LDLRAD4: variants seen among roughly 807,000 people sequenced by gnomAD.
LDLRAD4 encodes the protein low-density lipoprotein receptor class A domain-containing protein 4.
A neutral mutation model predicts 17.0 loss-of-function variants in LDLRAD4; 5 were observed. The observed-to-expected ratio is 0.29, with a 90% CI of 0.15 to 0.62. LDLRAD4 has a LOEUF of 0.62. Among genes scored for constraint, LDLRAD4 ranks in the 20% least tolerant of loss-of-function variants. The pLI, the probability that LDLRAD4 is intolerant of heterozygous loss-of-function variation, is 0.84. For missense variants in LDLRAD4, 340 were observed against 424.7 expected, an observed-to-expected ratio of 0.80 and a Z score of 1.75; for synonymous variants, 168 against 171.8, an observed-to-expected ratio of 0.98 and a Z score of 0.17.
intron 4 of LDLRAD4, among the ~76,000 whole-genome samples, chr18:13,639,667 G>T (rs1360074443): frequency 6.6e-6 from 1 of 152,168 alleles, no homozygotes; most frequent in Non-Finnish European, 1.5e-5. Context: ...TCGGGTTTTG[G>T]CCTCAAGCTC....
intron 1 of LDLRAD4, among the ~76,000 whole-genome samples, chr18:13,386,942 AGATAGATGGATG>A (rs1205950183): frequency 0.017 from 1,878 of 111,984 alleles, 26 homozygotes; most frequent in African/African-American, 0.073. Flanking sequence ...ATAGATAGAT[AGATAGATGGATG>A]GATGGATAGA....
At chr18:13,497,812 C>T (rs2093502130) in intron 3 of LDLRAD4, among the ~76,000 whole-genome samples, 1 of 152,228 alleles carries the variant, frequency 6.6e-6, no homozygotes, top group African/African-American at 2.4e-5. Flanking sequence ...CCAGCGAAAA[C>T]GACACCAGAG....
rs2090876758 is a variant in LDLRAD4 at position 13,439,368 on chromosome 18, ACT to A, written c.181+985_181+986del. On this transcript the variant is annotated intron_variant, in intron 3 of 5. Coordinates refer to ENST00000359446, the Ensembl canonical transcript of LDLRAD4. The stretch of plus-strand genomic sequence containing the variant: ...TACGTATGTCCCCAATATAAAAATG[ACT>A]GTGCTCTAGCAAATTTTAAGCCTGC... Among the ~76,000 whole-genome samples the A allele has an allele frequency of 2.0e-5, 3 of 152,350 alleles. No individual in the cohort carries two copies. The East Asian group carries it at 5.8e-4, about 29-fold the overall frequency.
chr18:13,567,113 C>T (rs1338791601), intron 3 of LDLRAD4, among the ~76,000 whole-genome samples: 1 of 152,200 alleles, frequency 6.6e-6, no homozygotes, highest in East Asian at 1.9e-4. Context: ...TCATCCTCAT[C>T]GTGGGTTGCT....
At chr18:13,651,014 GCTT>G (rs1346121479) in exon 6 of LDLRAD4, 1 of 152,158 alleles carries the variant, frequency 6.6e-6, no homozygotes, top group African/African-American at 2.4e-5. Context: ...GCCACTAGAC[GCTT>G]CTTATTTTAA....
intron 3 of LDLRAD4, among the ~76,000 whole-genome samples, chr18:13,595,722 C>T (rs1248667335): frequency 1.3e-5 from 2 of 152,158 alleles, no homozygotes; most frequent in Non-Finnish European, 2.9e-5. Flanking sequence ...TCCCCATTTT[C>T]TTTCTGTTAT....
chr18:13,561,139 A>C (rs2094536117), intron 3 of LDLRAD4, among the ~76,000 whole-genome samples: 1 of 52,398 alleles, frequency 1.9e-5, no homozygotes. Context: ...CATCCTGCAG[A>C]TATTCAGGGC....
At chr18:13,419,704 G>T (rs2145832394) in intron 2 of LDLRAD4, 1 of 152,270 alleles carries the variant, frequency 6.6e-6, no homozygotes, top group South Asian at 2.1e-4. Flanking sequence ...CCATGTTATA[G>T]CCTCTCCCTT....
At chr18:13,579,686 A>G (rs934942909) in intron 3 of LDLRAD4, among the ~76,000 whole-genome samples, 1 of 152,208 alleles carries the variant, frequency 6.6e-6, no homozygotes, top group Non-Finnish European at 1.5e-5. Flanking sequence ...CAAAGATTCT[A>G]TGTAAATAGC....
intron 1 of LDLRAD4, among the ~76,000 whole-genome samples, chr18:13,289,879 A>G (rs1435559707): frequency 6.6e-6 from 1 of 152,204 alleles, no homozygotes; most frequent in Non-Finnish European, 1.5e-5. Flanking sequence ...ATCATATCTC[A>G]GCCTTCCTTG....
intron 2 of LDLRAD4, among the ~76,000 whole-genome samples, chr18:13,429,811 GC>G: frequency 6.6e-6 from 1 of 152,356 alleles, no homozygotes; most frequent in East Asian, 1.9e-4. Flanking sequence ...AGGTCGCGAG[GC>G]CCCACAGGGA....
intron 1 of LDLRAD4, among the ~76,000 whole-genome samples, chr18:13,321,861 C>CAAAAAAAAAAAAAGA (rs2081242564): frequency 8.0e-5 from 5 of 62,140 alleles, no homozygotes; most frequent in African/African-American, 3.2e-4. Flanking sequence ...GACTCCGTCT[C>CAAAAAAAAAAAAAGA]AAAAAAAAAA....
chr18:13,620,247 G>A (rs1285506070), intron 3 of LDLRAD4, among the ~76,000 whole-genome samples: 3 of 152,240 alleles, frequency 2.0e-5, no homozygotes, highest in African/African-American at 7.2e-5. Context: ...CATGTGTGCT[G>A]TGAGCCCAGG....
At chr18:13,640,335 G>GATA (rs1344665836) in intron 4 of LDLRAD4, among the ~76,000 whole-genome samples, 1 of 150,210 alleles carries the variant, frequency 6.7e-6, no homozygotes, top group Non-Finnish European at 1.5e-5. Flanking sequence ...GTATTAGGAT[G>GATA]ATGGGACTGT....
At chr18:13,582,917 A>G (rs181275282) in intron 3 of LDLRAD4, among the ~76,000 whole-genome samples, 15 of 152,118 alleles carry the variant, frequency 9.9e-5, no homozygotes, top group East Asian at 7.7e-4. Context: ...GGGTCTTGCT[A>G]TGTTGCCCAG....
At chr18:13,385,093 T>C (rs1160218433) in intron 1 of LDLRAD4, among the ~76,000 whole-genome samples, 1 of 152,204 alleles carries the variant, frequency 6.6e-6, no homozygotes, top group Non-Finnish European at 1.5e-5. Context: ...CCAGTCTCCA[T>C]TCTCACCAAC....
chr18:13,506,409 G>A (rs1027811537), intron 3 of LDLRAD4, among the ~76,000 whole-genome samples: 22 of 126,204 alleles, frequency 1.7e-4, no homozygotes, highest in Non-Finnish European at 2.3e-4. Context: ...CTCCGTTTAC[G>A]GTAGGCTTGA....
At chr18:13,600,069 A>G (rs1042300854) in intron 3 of LDLRAD4, among the ~76,000 whole-genome samples, 1 of 152,210 alleles carries the variant, frequency 6.6e-6, no homozygotes, top group Non-Finnish European at 1.5e-5. Context: ...CTCTTGCCTT[A>G]GCCTCCCAGG....
chr18:13,289,271 A>G (rs1893979), intron 1 of LDLRAD4, among the ~76,000 whole-genome samples: 24,292 of 152,200 alleles, frequency 0.16, 2,895 homozygotes, highest in African/African-American at 0.34. Context: ...AAATCACATC[A>G]TATTCACTTT....
Sources: gnomAD v4.1 joint callset for allele counts (sites outside exome capture counted in the v4.1 genomes callset) on GRCh38, gnomAD v4.1.1 for gene constraint, MANE v1.5 for transcripts, NCBI Gene and HGNC (gene_info 2026-07-23, HGNC 2026-07-21) for gene names.